Variants in SPSB1 observed in about 807,000 individuals in gnomAD.
SPSB1 encodes SPRY domain-containing SOCS box protein 1.
A neutral mutation model predicts 21.2 loss-of-function variants in SPSB1; 8 were observed. The ratio of observed to expected loss-of-function variants is 0.38; its 90% confidence interval spans 0.22 to 0.68. SPSB1 has a LOEUF of 0.68. SPSB1 is among the 30% of genes least tolerant of loss of function. The pLI is 0.53. For missense variants in SPSB1, 242 were observed against 377.8 expected (o/e 0.64, Z 2.98); for synonymous variants, 169 against 161.7 (o/e 1.05, Z -0.34).
At chr1:9,295,215 T>TGA (rs1167953386) in intron 1 of SPSB1, among the ~76,000 whole-genome samples, 81 of 81,376 alleles carry the variant, frequency 1.0e-3, no homozygotes, top group Middle Eastern at 0.01. Flanking sequence ...TGTGAGAGTG[T>TGA]GAGTGTGTGT....
rs1006522110 is a variant in SPSB1, at chr1:9,355,837, C to T, written c.-55C>T. On this transcript the variant is annotated 5_prime_UTR_variant, in exon 2 of 3. It adds an upstream start codon to the 5' untranslated region. Transcript: ENST00000328089. ...GATCAGAATACTGGAGACGAGACCACGAGATTGATGAGTTTGCCTTGGGAG... is the reference window on the plus strand; with the variant it reads ...GATCAGAATACTGGAGACGAGACCATGAGATTGATGAGTTTGCCTTGGGAG... 2.0e-6 allele frequency: 3 copies of T among 1,515,692 alleles called. No homozygotes were observed. Among genetic ancestry groups the T allele is most frequent in the African/African-American group, 2.8e-5 (2 of 71,800 alleles). The allele number at this position is 1,515,692 out of a possible 1,614,324, so 93.9% of individuals were successfully genotyped here.
intron 1 of SPSB1, among the ~76,000 whole-genome samples, chr1:9,313,168 G>A (rs995346568): frequency 3.3e-5 from 5 of 152,116 alleles, no homozygotes; most frequent in Non-Finnish European, 2.9e-5. Flanking sequence ...AGGCTGAGGC[G>A]GGTGGATCAC....
intron 1 of SPSB1, among the ~76,000 whole-genome samples, chr1:9,338,038 G>C (rs1308253437): frequency 6.6e-6 from 1 of 152,220 alleles, no homozygotes; most frequent in Non-Finnish European, 1.5e-5. Flanking sequence ...CCTCAGCTGG[G>C]GTGCAGGGAA....
At position 9,321,041 on chromosome 1, in the gene SPSB1, G is replaced by A. The variant is rs1639714945; in HGVS notation, c.-150+27970G>A. ...AGTTGCTGTGCGGGGGATTCTGGCTGGAAAAGGCAGCCGTGTAATTACAGG... is the reference window on the plus strand; with the variant it reads ...AGTTGCTGTGCGGGGGATTCTGGCTAGAAAAGGCAGCCGTGTAATTACAGG... On this transcript the variant is annotated intron_variant, in intron 1 of 2. Transcript: ENST00000328089. This position sits in a 1 kb window ranked among gnomAD's most constrained non-coding sequence, Gnocchi z 4.8. Among the ~76,000 whole-genome samples the A allele has an allele frequency of 6.6e-6, 1 of 152,134 alleles. No individual in the cohort carries two copies. The highest frequency in any genetic ancestry group is 2.4e-5 in the African/African-American group (1 of 41,406).
rs112475092 is a variant in SPSB1, at chr1:9,367,675, G to A, written c.*100G>A. ...CACCCTGCACCTTGGACCGGCATCC[G>A]TAGCCATGGACAGAGGTCCCTGGTC... On this transcript the variant is annotated 3_prime_UTR_variant, in exon 3 of 3. Transcript: ENST00000328089. This position sits in a 1 kb window ranked among gnomAD's most constrained non-coding sequence, Gnocchi z 5.9. 2.7e-3 allele frequency: 3,995 copies of A among 1,464,662 alleles called. 92 individuals are homozygous for A. The African/African-American group carries it at 0.048, about 18-fold the overall frequency. 90.7% of individuals were successfully genotyped at this position (1,464,662 alleles called of 1,614,324 possible).
chr1:9,294,677 A>C (rs1639179957), intron 1 of SPSB1: 1 of 152,160 alleles, frequency 6.6e-6, no homozygotes, highest in African/African-American at 2.4e-5. Context: ...TTCATGGTAA[A>C]AGCGCCATCC....
chr1:9,359,012 G>T (rs538904165), intron 2 of SPSB1, among the ~76,000 whole-genome samples: 1 of 152,374 alleles, frequency 6.6e-6, no homozygotes, highest in African/African-American at 2.4e-5. Context: ...AAATCCTGAA[G>T]ATGTTGGGTG....
chr1:9,315,841 T>A (rs1460424747), intron 1 of SPSB1, among the ~76,000 whole-genome samples: 1 of 152,234 alleles, frequency 6.6e-6, no homozygotes, highest in African/African-American at 2.4e-5. Flanking sequence ...AGTAACTATG[T>A]GGGTGGATTT....
At chr1:9,316,061 G>A (rs1639608038) in intron 1 of SPSB1, among the ~76,000 whole-genome samples, 1 of 152,212 alleles carries the variant, frequency 6.6e-6, no homozygotes, top group South Asian at 2.1e-4. Flanking sequence ...AGGTCAGGGA[G>A]GTGGTGGGTC....
chr1:9,294,763 G>A (rs192122756), intron 1 of SPSB1, among the ~76,000 whole-genome samples: 6 of 152,192 alleles, frequency 3.9e-5, no homozygotes, highest in African/African-American at 7.2e-5. Flanking sequence ...ATTTCTCATC[G>A]TGGGGTGTGA....
In SPSB1 at chr1:9,295,091, C is replaced by T. The variant is rs937312736; in HGVS notation, c.-150+2020C>T. Among the ~76,000 whole-genome samples, 4 of 152,182 alleles carry T rather than the reference C, an allele frequency of 2.6e-5. No homozygotes were observed. In the South Asian group the frequency reaches 8.3e-4, roughly 31 times the overall value. ...GTCATGGGCCAGGCACTTCGTGTCTCCCCAGCTGTGAAGTGATGGGCTGGA... is the reference window on the plus strand; with the variant it reads ...GTCATGGGCCAGGCACTTCGTGTCTTCCCAGCTGTGAAGTGATGGGCTGGA... On this transcript the variant is annotated intron_variant, in intron 1 of 2. Coordinates refer to ENST00000328089, the MANE Select transcript of SPSB1 (RefSeq NM_025106.4).
chr1:9,333,475 C>T (rs1419586976), intron 1 of SPSB1, among the ~76,000 whole-genome samples: 5 of 152,046 alleles, frequency 3.3e-5, no homozygotes, highest in African/African-American at 7.2e-5. Flanking sequence ...GGACTACAGG[C>T]GCGTGCCACT....
intron 1 of SPSB1, among the ~76,000 whole-genome samples, chr1:9,310,376 G>A (rs1639497033): frequency 6.6e-6 from 1 of 152,190 alleles, no homozygotes; most frequent in Non-Finnish European, 1.5e-5. Flanking sequence ...GATTTCTAAG[G>A]GATGAGCTCC....
intron 2 of SPSB1, among the ~76,000 whole-genome samples, chr1:9,359,429 C>T (rs147192050): frequency 7.1e-4 from 108 of 152,220 alleles, no homozygotes; most frequent in African/African-American, 2.4e-3. Context: ...TGCGGCTGGG[C>T]GCGGTGGCTC....
chr1:9,341,932 C>T (rs1459713656), intron 1 of SPSB1, among the ~76,000 whole-genome samples: 3 of 152,200 alleles, frequency 2.0e-5, no homozygotes, highest in Non-Finnish European at 4.4e-5. Flanking sequence ...GAACTCCCGA[C>T]CTCAGGTGAT....
At chr1:9,351,285 TC>T (rs1640255007) in intron 1 of SPSB1, 1 of 152,248 alleles carries the variant, frequency 6.6e-6, no homozygotes, top group South Asian at 2.1e-4. Context: ...AGCCCAGACT[TC>T]CAAGTCCTTG....
intron 1 of SPSB1, among the ~76,000 whole-genome samples, chr1:9,337,197 T>C (rs1640017708): frequency 6.6e-6 from 1 of 152,106 alleles, no homozygotes; most frequent in Non-Finnish European, 1.5e-5. Flanking sequence ...TCCATTTATG[T>C]TACCAGCACA....
At chr1:9,339,832 G>A (rs1640060891) in intron 1 of SPSB1, among the ~76,000 whole-genome samples, 1 of 152,200 alleles carries the variant, frequency 6.6e-6, no homozygotes, top group African/African-American at 2.4e-5. Flanking sequence ...TGGCAGGACA[G>A]GGGAAGCTGC....
At chr1:9,344,527 G>A (rs148617984) in intron 1 of SPSB1, among the ~76,000 whole-genome samples, 1 of 152,296 alleles carries the variant, frequency 6.6e-6, no homozygotes, top group East Asian at 1.9e-4. Flanking sequence ...TGGCATTCAC[G>A]ATTCCAAGCT....
Sources: allele counts gnomAD v4.1 joint callset (sites outside exome capture counted in the v4.1 genomes callset), GRCh38; gene constraint gnomAD v4.1.1; non-coding constraint Gnocchi (gnomAD v3.1); transcripts MANE v1.5; gene names NCBI Gene and HGNC (gene_info 2026-07-23, HGNC 2026-07-21).